KIAA1549L: variants seen among roughly 807,000 people sequenced by gnomAD.
KIAA1549L encodes the protein KIAA1549 like.
In KIAA1549L, 88 loss-of-function variants were observed where a neutral mutation model predicts 160.7. That is an observed-to-expected ratio of 0.55 (90% CI 0.46 to 0.65). The LOEUF (loss-of-function observed/expected upper bound fraction) is 0.65. Ranked by LOEUF, KIAA1549L falls within the 30% of genes least tolerant of loss-of-function variation. The pLI is 0.00. For synonymous variants in KIAA1549L, 950 were observed against 976.7 expected, an observed-to-expected ratio of 0.97 and a Z score of 0.51; for missense variants, 2,258 against 2,437.5, an observed-to-expected ratio of 0.93 and a Z score of 1.55.
chr11:33,594,336 G>A (rs1416548971), intron 12 of KIAA1549L, among the ~76,000 whole-genome samples: 1 of 152,084 alleles, frequency 6.6e-6, no homozygotes, highest in Non-Finnish European at 1.5e-5. Flanking sequence ...CATTATTTTG[G>A]TGGGTCAGCA....
At chr11:33,399,444 T>TA (rs1396536963) in intron 1 of KIAA1549L, among the ~76,000 whole-genome samples, 4 of 152,226 alleles carry the variant, frequency 2.6e-5, no homozygotes, top group Admixed American at 6.5e-5. Flanking sequence ...ATGCAGTTTT[T>TA]ATCCTCTGTT....
chr11:33,455,256 G>T (rs1006197161), intron 1 of KIAA1549L, among the ~76,000 whole-genome samples: 1 of 152,210 alleles, frequency 6.6e-6, no homozygotes, highest in Admixed American at 6.5e-5. Flanking sequence ...CTTTAGAACT[G>T]TGCTGTCCAG....
chr11:33,535,340 A>G (rs1853869235), intron 1 of KIAA1549L, among the ~76,000 whole-genome samples: 1 of 152,108 alleles, frequency 6.6e-6, no homozygotes, highest in Non-Finnish European at 1.5e-5. Flanking sequence ...TCATATAATC[A>G]CAAGAGTTAC....
chr11:33,660,777 T>C (rs1852232736), intron 19 of KIAA1549L, 86 bp from the exon 20 acceptor site: 1 of 1,373,328 alleles, frequency 7.3e-7, no homozygotes, highest in African/African-American at 1.4e-5. Context: ...AGGGAGCCAA[T>C]GAAACTGACT....
chr11:33,556,172 A>G (rs1277657142), intron 6 of KIAA1549L, among the ~76,000 whole-genome samples: 1 of 152,218 alleles, frequency 6.6e-6, no homozygotes, highest in African/African-American at 2.4e-5. Flanking sequence ...TGTTGGTGAT[A>G]ACGTGGAGAA....
At chr11:33,605,048 C>T (rs1054882928) in intron 13 of KIAA1549L, among the ~76,000 whole-genome samples, 6 of 152,178 alleles carry the variant, frequency 3.9e-5, no homozygotes, top group African/African-American at 1.4e-4. Context: ...AGATCCTTGC[C>T]ACATGGACCT....
intron 1 of KIAA1549L, among the ~76,000 whole-genome samples, chr11:33,503,443 T>C (rs1157412691): frequency 1.3e-5 from 2 of 152,224 alleles, no homozygotes; most frequent in African/African-American, 2.4e-5. Flanking sequence ...CTATTGTATA[T>C]GTATGTGTTT....
intron 1 of KIAA1549L, among the ~76,000 whole-genome samples, chr11:33,429,172 A>G (rs982107682): frequency 3.9e-5 from 6 of 152,130 alleles, no homozygotes; most frequent in African/African-American, 1.4e-4. Flanking sequence ...GGGTTTCACC[A>G]TGTTGGCCAG....
chr11:33,538,985 C>G (rs1220724747), intron 1 of KIAA1549L, among the ~76,000 whole-genome samples: 1 of 152,142 alleles, frequency 6.6e-6, no homozygotes, highest in Non-Finnish European at 1.5e-5. Flanking sequence ...TAAGGGCAAG[C>G]CTTTCTGTTT....
intron 10 of KIAA1549L, among the ~76,000 whole-genome samples, chr11:33,575,583 G>C (rs1205469506): frequency 6.6e-6 from 1 of 152,164 alleles, no homozygotes; most frequent in Non-Finnish European, 1.5e-5. Context: ...AACCTGCTCG[G>C]CATCACAGAA....
At position 33,673,649 on chromosome 11, in the gene KIAA1549L, T is replaced by C. The variant is rs1852722068; in HGVS notation, c.*5495T>C. 1 of 152,252 alleles carries C rather than the reference T, an allele frequency of 6.6e-6. No homozygotes were observed. The highest frequency in any genetic ancestry group is 6.5e-5 in the Admixed American group (1 of 15,288). 9.4% of individuals were successfully genotyped at this position (152,252 alleles called of 1,614,324 possible). A position where few individuals can be genotyped will look rare whatever the true frequency, so the allele number is the denominator to read the frequency against. ...CTTGACAAGCACTTGAAGCCATTCT[T>C]ACTAAATTATTAGTTTTGTAATTCG... On this transcript the variant is annotated 3_prime_UTR_variant, in exon 21 of 21. Coordinates refer to ENST00000658780, the MANE Select transcript of KIAA1549L (RefSeq NM_012194.3).
chr11:33,552,088 A>G lies in KIAA1549L; in HGVS notation c.3722-20A>G. 1 of 1,613,412 alleles carries G rather than the reference A, an allele frequency of 6.2e-7. No individual in the cohort carries two copies. The highest frequency in any genetic ancestry group is 1.1e-5 in the South Asian group (1 of 90,890). On this transcript the variant is annotated intron_variant, in intron 5 of 20. Coordinates refer to ENST00000658780, the MANE Select transcript of KIAA1549L (RefSeq NM_012194.3). Reference sequence around the variant, plus strand: ...AGACATGGAGCTTTAGTGAGCACTGATTGACTTCTCTCATTCTAGTGCTGC... The same window carrying G: ...AGACATGGAGCTTTAGTGAGCACTGGTTGACTTCTCTCATTCTAGTGCTGC...
At chr11:33,650,397 G>A (rs188018872) in intron 17 of KIAA1549L, among the ~76,000 whole-genome samples, 1 of 152,232 alleles carries the variant, frequency 6.6e-6, no homozygotes, top group Non-Finnish European at 1.5e-5. Context: ...AGATGGGCAA[G>A]AAAAGTAACT....
chr11:33,660,778 G>T, intron 19 of KIAA1549L, 85 bp from the exon 20 acceptor site: 2 of 1,384,266 alleles, frequency 1.4e-6, no homozygotes, highest in South Asian at 1.3e-5. Flanking sequence ...GGGAGCCAAT[G>T]AAACTGACTT....
chr11:33,546,542 C>T (rs1854270758), intron 3 of KIAA1549L, among the ~76,000 whole-genome samples: 1 of 152,226 alleles, frequency 6.6e-6, no homozygotes, highest in East Asian at 1.9e-4. Flanking sequence ...TTCACACTGT[C>T]ATCATCACTC....
intron 12 of KIAA1549L, among the ~76,000 whole-genome samples, chr11:33,598,376 C>T (rs1850263450): frequency 6.6e-6 from 1 of 152,118 alleles, no homozygotes; most frequent in African/African-American, 2.4e-5. Flanking sequence ...GTTTTGTAGT[C>T]AAAGTCTATG....
intron 15 of KIAA1549L, among the ~76,000 whole-genome samples, chr11:33,611,757 G>A (rs1347878563): frequency 2.0e-5 from 3 of 151,648 alleles, no homozygotes; most frequent in South Asian, 2.1e-4. Context: ...TCAAAGCCAC[G>A]AAATCAAGGT....
chr11:33,440,251 TCCCAAGTAGCTGGGACTACAGGCGCC>T (rs1851472381), intron 1 of KIAA1549L, among the ~76,000 whole-genome samples: 1 of 145,046 alleles, frequency 6.9e-6, no homozygotes, highest in Non-Finnish European at 1.5e-5. Flanking sequence ...TGCCTCAGCC[TCCCAAGTAGCTGGGACTACAGGCGCC>T]CGCCACTACG....
intron 13 of KIAA1549L, among the ~76,000 whole-genome samples, chr11:33,603,720 C>G (rs190889033): frequency 9.2e-4 from 140 of 151,994 alleles, no homozygotes; most frequent in African/African-American, 3.4e-3. Flanking sequence ...GCAGGAGAAT[C>G]CCTTGAACCC....
Sources: allele counts gnomAD v4.1 joint callset (sites outside exome capture counted in the v4.1 genomes callset), GRCh38; gene constraint gnomAD v4.1.1; transcripts MANE v1.5; gene names NCBI Gene and HGNC (gene_info 2026-07-23, HGNC 2026-07-21).